KCNIP4: variants seen among roughly 807,000 people sequenced by gnomAD.
KCNIP4 encodes Kv channel-interacting protein 4.
A neutral mutation model predicts 34.0 loss-of-function variants in KCNIP4; 12 were observed. The ratio of observed to expected loss-of-function variants is 0.35; its 90% CI spans 0.23 to 0.57. KCNIP4 has a LOEUF of 0.57. Ranked by LOEUF, KCNIP4 falls within the 20% of genes least tolerant of loss-of-function variation. The pLI, the probability that KCNIP4 is intolerant of heterozygous loss-of-function variation, is 0.83. For synonymous variants in KCNIP4, 124 were observed against 102.2 expected (o/e 1.21, Z -1.29); for missense variants, 238 against 311.7 (o/e 0.76, Z 1.78).
At chr4:20,827,604 A>C (rs1376366696) in intron 3 of KCNIP4, among the ~76,000 whole-genome samples, 1 of 152,166 alleles carries the variant, frequency 6.6e-6, no homozygotes. Flanking sequence ...TCCAACACTA[A>C]CCATGTACAG....
intron 1 of KCNIP4, among the ~76,000 whole-genome samples, chr4:21,607,830 A>C (rs749830003): frequency 2.6e-5 from 4 of 152,114 alleles, no homozygotes; most frequent in Non-Finnish European, 5.9e-5. Context: ...TGAATTTTTC[A>C]GAACATAGTC....
At chr4:20,945,994 G>A (rs569829988) in intron 1 of KCNIP4, among the ~76,000 whole-genome samples, 9 of 152,240 alleles carry the variant, frequency 5.9e-5, no homozygotes, top group East Asian at 5.8e-4. Context: ...GAGGATAAAC[G>A]TAAGGAGAAG....
intron 1 of KCNIP4, among the ~76,000 whole-genome samples, chr4:21,630,978 C>T (rs2109204551): frequency 6.6e-6 from 1 of 152,306 alleles, no homozygotes; most frequent in East Asian, 1.9e-4. Flanking sequence ...CCCCTTGCAC[C>T]TTCCGAAATG....
chr4:21,357,447 A>G (rs749874271), intron 1 of KCNIP4, among the ~76,000 whole-genome samples: 2 of 152,238 alleles, frequency 1.3e-5, no homozygotes, highest in African/African-American at 4.8e-5. Flanking sequence ...CAGAATTTAC[A>G]AAGAGAACTT....
At chr4:21,286,468 C>T (rs1448722367) in intron 1 of KCNIP4, among the ~76,000 whole-genome samples, 1 of 152,138 alleles carries the variant, frequency 6.6e-6, no homozygotes, top group Non-Finnish European at 1.5e-5. Flanking sequence ...AAGTATGAGG[C>T]AGAGACCAAT....
chr4:21,333,290 A>T (rs1478389549), intron 1 of KCNIP4, among the ~76,000 whole-genome samples: 1 of 151,900 alleles, frequency 6.6e-6, no homozygotes, highest in Non-Finnish European at 1.5e-5. Flanking sequence ...CTCCCTTGTA[A>T]GTCTTTTTAC....
chr4:21,149,516 C>G (rs1577788280), intron 1 of KCNIP4, among the ~76,000 whole-genome samples: 1 of 152,114 alleles, frequency 6.6e-6, no homozygotes, highest in East Asian at 1.9e-4. Context: ...AGACGCAGGA[C>G]CATTCTAGGA....
chr4:21,707,932 TACACACACACACACACAC>T (rs3050896), intron 1 of KCNIP4, among the ~76,000 whole-genome samples: 1 of 146,822 alleles, frequency 6.8e-6, no homozygotes, highest in Non-Finnish European at 1.5e-5. Flanking sequence ...AACACACACA[TACACACACACACACACAC>T]ACACACACAC....
rs556828663 is a variant in KCNIP4, at chr4:21,428,097, C to A, written c.61+520474G>T. On this transcript the variant is annotated intron_variant, in intron 1 of 8. Transcript: ENST00000382152. ...GCTTGAGCAGTGACAAATACGGTAA[C>A]CTGGAGAAACTGGGGCTGGCAGTAT... is the stretch of plus-strand genomic sequence containing the variant. Among the ~76,000 whole-genome samples the A allele has an allele frequency of 2.0e-5, 3 of 152,028 alleles. No homozygotes were observed. In the East Asian group the frequency reaches 5.8e-4, roughly 29 times the overall value.
chr4:21,282,029 G>A (rs1190106754), intron 1 of KCNIP4, among the ~76,000 whole-genome samples: 1 of 152,144 alleles, frequency 6.6e-6, no homozygotes, highest in Non-Finnish European at 1.5e-5. Flanking sequence ...GTGGATTCTA[G>A]GCAACAGGAT....
chr4:20,780,539 A>G (rs1287364481), intron 3 of KCNIP4, among the ~76,000 whole-genome samples: 2 of 152,326 alleles, frequency 1.3e-5, no homozygotes, highest in Middle Eastern at 3.4e-3. Context: ...GCTCTGTTAG[A>G]CAATTTTCTT....
At chr4:21,794,296 T>C (rs771412965) in intron 1 of KCNIP4, among the ~76,000 whole-genome samples, 23 of 152,114 alleles carry the variant, frequency 1.5e-4, no homozygotes, top group Non-Finnish European at 2.6e-4. Flanking sequence ...AAAGAAAATA[T>C]ACCACAGGGG....
chr4:21,660,685 G>A lies in KCNIP4; in HGVS notation c.61+287886C>T, dbSNP rs144115597. 4.2e-3 allele frequency among the ~76,000 whole-genome samples: 636 copies of A among 152,250 alleles called. 2 individuals carry two copies. The highest frequency in any genetic ancestry group is 0.014 in the African/African-American group (596 of 41,536). Reference sequence around the variant, plus strand: ...GGTTAGAGTGGGCTCATGAGATGTGGGGTTCTCTGTCCACTACTCTAAATT... The same window carrying A: ...GGTTAGAGTGGGCTCATGAGATGTGAGGTTCTCTGTCCACTACTCTAAATT... On this transcript the variant is annotated intron_variant, in intron 1 of 8. Transcript: ENST00000382152.
intron 1 of KCNIP4, among the ~76,000 whole-genome samples, chr4:21,028,126 C>T (rs62293778): frequency 6.6e-6 from 1 of 152,104 alleles, no homozygotes; most frequent in Non-Finnish European, 1.5e-5. Flanking sequence ...AACTATGTTG[C>T]CTCTACCTTC....
At chr4:21,687,851 G>A (rs182498064) in intron 1 of KCNIP4, among the ~76,000 whole-genome samples, 2 of 152,272 alleles carry the variant, frequency 1.3e-5, no homozygotes, top group Admixed American at 1.3e-4. Context: ...GAGAATTAAA[G>A]TAATCACACA....
intron 2 of KCNIP4, among the ~76,000 whole-genome samples, chr4:20,852,865 C>A (rs1368499715): frequency 6.6e-6 from 1 of 152,128 alleles, no homozygotes; most frequent in South Asian, 2.1e-4. Flanking sequence ...AAGAACTCAA[C>A]CCCTTTACAA....
Position 20,850,635 on chromosome 4 carries a change from C to T in KCNIP4, c.196G>A (p.Val66Ile), listed in dbSNP as rs201670726. Residue 66 changes from valine (V) to isoleucine (I), a missense_variant, in exon 3 of 9, where the codon GTC becomes ATC. Coordinates refer to ENST00000382152, the MANE Select transcript of KCNIP4 (RefSeq NM_025221.6). ...SVEDELEMAT[V>I]RHRPEALELL... Reference sequence around the variant, plus strand: ...TCAAGGGCTTCAGGCCGATGCCTGACGGTGGCCATCTCCAGTTCATCTTCC... The same window carrying T: ...TCAAGGGCTTCAGGCCGATGCCTGATGGTGGCCATCTCCAGTTCATCTTCC... The T allele has an allele frequency of 1.6e-4, 259 of 1,612,356 alleles. No homozygotes were observed. Among genetic ancestry groups the T allele is most frequent in the Admixed American group, 3.8e-4 (23 of 59,928 alleles).
Position 21,846,453 on chromosome 4 carries a change from A to G in KCNIP4, c.61+102118T>C, listed in dbSNP as rs148027126. ...TGCTTCTTCCTATCTCTGATCTTTA[A>G]CAAGTCATCTAACAAGTCTGTCTCT... is the stretch of plus-strand genomic sequence containing the variant. On this transcript the variant is annotated intron_variant, in intron 1 of 8. Coordinates refer to ENST00000382152, the MANE Select transcript of KCNIP4 (RefSeq NM_025221.6). The G allele has an allele frequency of 2.5e-3, 378 of 152,226 alleles. 1 individual carries two copies. Among genetic ancestry groups the G allele is most frequent in the African/African-American group, 8.8e-3 (367 of 41,564 alleles). The allele number at this position is 152,226 out of a possible 1,614,324, so 9.4% of individuals were successfully genotyped here.
chr4:21,892,650 T>C (rs1470514030), intron 1 of KCNIP4, among the ~76,000 whole-genome samples: 1 of 151,352 alleles, frequency 6.6e-6, no homozygotes, highest in Non-Finnish European at 1.5e-5. Flanking sequence ...TTAACCTCTA[T>C]AAGTCTTAAT....
Sources: gnomAD v4.1 joint callset for allele counts (sites outside exome capture counted in the v4.1 genomes callset) on GRCh38, gnomAD v4.1.1 for gene constraint, MANE v1.5 for transcripts, NCBI Gene and HGNC (gene_info 2026-07-23, HGNC 2026-07-21) for gene names.